The following SIM2 variants were observed in gnomAD, a reference collection of about 807,000 sequenced individuals.
SIM2 encodes the protein SIM bHLH transcription factor 2, also known as single-minded homolog 2.
SIM2 carries 28 observed loss-of-function variants against 64.8 expected under a neutral mutation model. The ratio of observed to expected loss-of-function variants is 0.43; its 90% CI spans 0.32 to 0.59. The LOEUF is 0.59. Among genes scored for constraint, SIM2 ranks in the 20% least tolerant of loss-of-function variants. The pLI is 0.07. For synonymous variants in SIM2, 408 were observed against 391.1 expected (o/e 1.04, Z -0.51); for missense variants, 847 against 871.4 (o/e 0.97, Z 0.35).
chr21:36,746,927 A>AT (rs1859486881), intron 10 of SIM2, among the ~76,000 whole-genome samples: 1 of 152,216 alleles, frequency 6.6e-6, no homozygotes, highest in Admixed American at 6.5e-5. Flanking sequence ...CACACACTTG[A>AT]TAAAAAGTGG....
At chr21:36,701,195 G>T (rs1304905030) in intron 1 of SIM2, 2 of 152,620 alleles carry the variant, frequency 1.3e-5, no homozygotes, top group Non-Finnish European at 2.9e-5. Context: ...AGCCAGTGCC[G>T]AGGTAGGGAG....
At chr21:36,716,438 C>A (rs771239098) in intron 3 of SIM2, among the ~76,000 whole-genome samples, 26 of 152,100 alleles carry the variant, frequency 1.7e-4, no homozygotes, top group Non-Finnish European at 3.4e-4. Flanking sequence ...CAGAAACAAC[C>A]ATAAACATAT....
intron 7 of SIM2, among the ~76,000 whole-genome samples, chr21:36,736,455 T>C (rs1329938827): frequency 6.6e-6 from 1 of 152,192 alleles, no homozygotes; most frequent in Non-Finnish European, 1.5e-5. Context: ...TTATCTTCAC[T>C]GGGAGCAAGA....
rs578087803 is a variant in SIM2 at position 36,702,458 on chromosome 21, T to C, written c.175+2537T>C. On this transcript the variant is annotated intron_variant, in intron 1 of 10. Transcript: ENST00000290399. The stretch of plus-strand genomic sequence containing the variant: ...TAGACCTGGAGCCGGTGGACTCATA[T>C]CCTTGGAATTCGTCAGGACAGCTGC... Among the ~76,000 whole-genome samples, 39 of 152,344 alleles carry C rather than the reference T, an allele frequency of 2.6e-4. 1 individual carries two copies. The South Asian group carries it at 7.3e-3, about 28-fold the overall frequency.
At chr21:36,728,345 G>A (rs1457399583) in intron 6 of SIM2, among the ~76,000 whole-genome samples, 2 of 152,210 alleles carry the variant, frequency 1.3e-5, no homozygotes, top group African/African-American at 4.8e-5. Flanking sequence ...CCAGAGGAGA[G>A]ACCTGAGGGC....
chr21:36,741,764 A>C lies in SIM2; in HGVS notation c.898A>C (p.Lys300Gln), dbSNP rs1601058056. Residue 300 changes from lysine to glutamine, a missense_variant, in exon 8 of 11, where the codon AAG (lysine) becomes CAG (glutamine). Lys to Gln is a moderately conservative substitution (Grantham distance 53, BLOSUM62 1). Transcript: ENST00000290399. ...CACCAAGTACTACCGGCTGCTGTCC[A>C]AGCGGGGCGGCTGGGTGTGGGTGCA... is the stretch of plus-strand genomic sequence containing the variant. ...VTTKYYRLLS[K>Q]RGGWVWVQSY... 6.2e-7 allele frequency: 1 copy of C among 1,613,462 alleles called. No homozygotes were observed. The highest frequency in any genetic ancestry group is 8.5e-7 in the Non-Finnish European group (1 of 1,179,968).
intron 3 of SIM2, among the ~76,000 whole-genome samples, chr21:36,715,810 G>T (rs946011933): frequency 1.3e-5 from 2 of 152,092 alleles, no homozygotes; most frequent in African/African-American, 4.8e-5. Flanking sequence ...TTCTTTATGG[G>T]TTATAAGCCC....
At position 36,700,392 on chromosome 21, in the gene SIM2, C is replaced by T. The variant is rs76908937; in HGVS notation, c.175+471C>T. ...CTTCCTTGGCCCCCTCTCTCCCTCC[C>T]TCCTTCCTTCCTTCCTTTGCCAATG... On this transcript the variant is annotated intron_variant, in intron 1 of 10. Transcript: ENST00000290399. Among the ~76,000 whole-genome samples, 1,377 of 145,258 alleles carry T rather than the reference C, an allele frequency of 9.5e-3. 21 individuals carry two copies. Among genetic ancestry groups the T allele is most frequent in the African/African-American group, 0.033 (1,287 of 39,300 alleles).
At chr21:36,706,173 C>G (rs2088578149) in intron 1 of SIM2, among the ~76,000 whole-genome samples, 1 of 152,222 alleles carries the variant, frequency 6.6e-6, no homozygotes, top group Non-Finnish European at 1.5e-5. Flanking sequence ...GTGTGAGGAA[C>G]GGCAGGCAGG....
intron 3 of SIM2, among the ~76,000 whole-genome samples, chr21:36,717,350 T>C (rs1291050882): frequency 6.6e-6 from 1 of 152,224 alleles, no homozygotes; most frequent in African/African-American, 2.4e-5. Context: ...GGAGAAACGA[T>C]AGGCCAATAT....
Position 36,749,011 on chromosome 21 carries a change from C to G in SIM2, c.*919C>G, listed in dbSNP as rs377606975. ...TGCAATACGGAACACTGTCAATGGA[C>G]TGCACCTTGTGAAGGAAAAACATGC... is the stretch of plus-strand genomic sequence containing the variant. On this transcript the variant is annotated 3_prime_UTR_variant, in exon 11 of 11. Coordinates refer to ENST00000290399, the MANE Select transcript of SIM2 (RefSeq NM_005069.6). The G allele has an allele frequency of 4.6e-5, 7 of 152,748 alleles. 1 individual carries two copies. The highest frequency in any genetic ancestry group is 3.3e-4 in the Admixed American group (5 of 15,302). 9.5% of individuals were successfully genotyped at this position (152,748 alleles called of 1,614,324 possible).
chr21:36,706,479 G>A (rs1399342364), intron 1 of SIM2, among the ~76,000 whole-genome samples: 1 of 152,210 alleles, frequency 6.6e-6, no homozygotes, highest in African/African-American at 2.4e-5. Flanking sequence ...CTAACCCCGA[G>A]GCGCCTAGCA....
At chr21:36,733,468 T>A (rs1375977780) in intron 7 of SIM2, among the ~76,000 whole-genome samples, 1 of 152,112 alleles carries the variant, frequency 6.6e-6, no homozygotes, top group African/African-American at 2.4e-5. Flanking sequence ...CAAGTGGGAC[T>A]ACGGGTGTGA....
At position 36,747,260 on chromosome 21, in the gene SIM2, G is replaced by A. The variant is rs1214153598; in HGVS notation, c.1577-405G>A. On this transcript the variant is annotated intron_variant, in intron 10 of 10. Coordinates refer to ENST00000290399, the MANE Select transcript of SIM2 (RefSeq NM_005069.6). The surrounding 1 kb of genome is among the most constrained non-coding windows in gnomAD (Gnocchi z 4.5). ...TAGACCTCTGCCGTCCAATCAGGTA[G>A]CCACCAACCCCGTGTGGTCTTGAAC... 6.6e-6 allele frequency among the ~76,000 whole-genome samples: 1 copy of A among 151,870 alleles called. No homozygotes were observed. Among genetic ancestry groups the A allele is most frequent in the Non-Finnish European group, 1.5e-5 (1 of 68,000 alleles).
rs1339180367 is a variant in SIM2, at chr21:36,748,787, T to C, written c.*695T>C. The C allele has an allele frequency of 6.6e-6, 1 of 152,626 alleles. No individual in the cohort carries two copies. The highest frequency in any genetic ancestry group is 1.5e-5 in the Non-Finnish European group (1 of 68,044). The allele number at this position is 152,626 out of a possible 1,614,324, so 9.5% of individuals were successfully genotyped here. A position where few individuals can be genotyped will look rare whatever the true frequency, so the allele number is the denominator to read the frequency against. Reference sequence around the variant, plus strand: ...ACTTCCCCCTAACCCCTATGAACTCTTGATAACACCAAGAGTAGCACCTTC... The same window carrying C: ...ACTTCCCCCTAACCCCTATGAACTCCTGATAACACCAAGAGTAGCACCTTC... On this transcript the variant is annotated 3_prime_UTR_variant, in exon 11 of 11. Coordinates refer to ENST00000290399, the MANE Select transcript of SIM2 (RefSeq NM_005069.6).
chr21:36,744,362 G>GGGAA (rs541979139), intron 9 of SIM2, among the ~76,000 whole-genome samples: 2 of 145,858 alleles, frequency 1.4e-5, no homozygotes, highest in East Asian at 4.0e-4. Flanking sequence ...GAGGGAGGGA[G>GGGAA]GGAAGGAAAG....
chr21:36,724,904 C>T (rs1022531874), intron 5 of SIM2, among the ~76,000 whole-genome samples: 1 of 152,064 alleles, frequency 6.6e-6, no homozygotes, highest in Non-Finnish European at 1.5e-5. Context: ...TGTTTGACAC[C>T]GAAACACTGC....
Position 36,747,518 on chromosome 21 carries a change from C to T in SIM2, c.1577-147C>T. The T allele has an allele frequency of 2.4e-6, 1 of 409,450 alleles. No individual in the cohort carries two copies. Among genetic ancestry groups the T allele is most frequent in the Non-Finnish European group, 3.8e-6 (1 of 263,480 alleles). 25.4% of individuals were successfully genotyped at this position (409,450 alleles called of 1,614,324 possible). A position where few individuals can be genotyped will look rare whatever the true frequency, so the allele number is the denominator to read the frequency against. On this transcript the variant is annotated intron_variant, in intron 10 of 10. Transcript: ENST00000290399. The surrounding 1 kb of genome is among the most constrained non-coding windows in gnomAD (Gnocchi z 4.5). ...CGCGTCCTGAGATTGGACAGCACGG[C>T]CTAGACTAAGGCGGGGGAGGGCGAC...
intron 6 of SIM2, among the ~76,000 whole-genome samples, chr21:36,727,769 G>A (rs140683102): frequency 6.6e-6 from 1 of 152,260 alleles, no homozygotes; most frequent in Non-Finnish European, 1.5e-5. Context: ...AGGATTTACT[G>A]TTTTCTTTTC....
Sources: gnomAD v4.1 joint callset for allele counts (sites outside exome capture counted in the v4.1 genomes callset) on GRCh38, gnomAD v4.1.1 for gene constraint, Gnocchi (gnomAD v3.1) non-coding constraint, MANE v1.5 for transcripts, NCBI Gene and HGNC (gene_info 2026-07-23, HGNC 2026-07-21) for gene names.